PNPLA7: variants seen among roughly 807,000 people sequenced by gnomAD.
PNPLA7 encodes the protein patatin-like phospholipase domain-containing protein 7.
PNPLA7 carries 153 observed loss-of-function variants against 161.7 expected under a neutral mutation model. The ratio of observed to expected loss-of-function variants is 0.95; its 90% CI spans 0.83 to 1.08. The LOEUF is 1.08. Ranked by LOEUF, PNPLA7 falls within the 50% of genes least tolerant of loss-of-function variation. PNPLA7 has a pLI of 0.00. For missense variants in PNPLA7, 1,739 were observed against 1,856.6 expected (o/e 0.94, Z 1.16); for synonymous variants, 809 against 782.1 (o/e 1.03, Z -0.57).
At chr9:137,472,673 T>C (rs1361881259) in intron 25 of PNPLA7, among the ~76,000 whole-genome samples, 1 of 137,464 alleles carries the variant, frequency 7.3e-6, no homozygotes, top group Non-Finnish European at 1.6e-5. Context: ...AAAAAAGATT[T>C]AGGCCAGGCA....
intron 18 of PNPLA7, among the ~76,000 whole-genome samples, chr9:137,496,030 C>T (rs143947570): frequency 3.3e-5 from 5 of 152,242 alleles, no homozygotes; most frequent in Non-Finnish European, 5.9e-5. Flanking sequence ...CGGAGCAACA[C>T]GGCACCTCCG....
At position 137,540,322 on chromosome 9, in the gene PNPLA7, A is replaced by G. The variant is rs1216653204; in HGVS notation, c.747+320T>C. On this transcript the variant is annotated intron_variant, in intron 8 of 34. Transcript: ENST00000406427. This position sits in a 1 kb window ranked among gnomAD's most constrained non-coding sequence, Gnocchi z 5.1. Reference sequence around the variant, plus strand: ...CCTCGGGAGGGCCTTGGGCCTGAGGAGAGGAGAAAACGCCTTCCCTCTACA... The same window carrying G: ...CCTCGGGAGGGCCTTGGGCCTGAGGGGAGGAGAAAACGCCTTCCCTCTACA... Among the ~76,000 whole-genome samples, 1 of 152,216 alleles carries G rather than the reference A, an allele frequency of 6.6e-6. No individual in the cohort carries two copies. Among genetic ancestry groups the G allele is most frequent in the Admixed American group, 6.5e-5 (1 of 15,288 alleles).
intron 11 of PNPLA7, among the ~76,000 whole-genome samples, chr9:137,519,495 G>C (rs558812531): frequency 6.6e-6 from 1 of 152,234 alleles, no homozygotes; most frequent in Non-Finnish European, 1.5e-5. Context: ...GTGAGGAGAC[G>C]GGCACACGTA....
At position 137,550,215 on chromosome 9, in the gene PNPLA7, A is replaced by C. The variant is rs991092268; in HGVS notation, c.-18T>G. ...TCCTCCATGGCCAGAAACAGAAAAAACAGTCAGGGGCGAAAAGCAGACAGC... is the reference window on the plus strand; with the variant it reads ...TCCTCCATGGCCAGAAACAGAAAAACCAGTCAGGGGCGAAAAGCAGACAGC... On this transcript the variant is annotated 5_prime_UTR_variant, in exon 1 of 35. Transcript: ENST00000406427. The C allele has an allele frequency of 6.2e-7, 1 of 1,612,956 alleles. No individual in the cohort carries two copies. The highest frequency in any genetic ancestry group is 1.3e-5 in the African/African-American group (1 of 74,920).
At chr9:137,521,382 C>T (rs897199945) in intron 10 of PNPLA7, among the ~76,000 whole-genome samples, 2 of 152,208 alleles carry the variant, frequency 1.3e-5, no homozygotes, top group Non-Finnish European at 2.9e-5. Flanking sequence ...CCAAGTCCAA[C>T]GGATCAGAGA....
At chr9:137,546,199 C>T (rs1836516269) in intron 4 of PNPLA7, among the ~76,000 whole-genome samples, 1 of 151,658 alleles carries the variant, frequency 6.6e-6, no homozygotes, top group Non-Finnish European at 1.5e-5. Context: ...CTCTCTCTCT[C>T]CTCTCTCTCT....
chr9:137,461,813 G>T (rs1051571444), intron 32 of PNPLA7, 118 bp downstream of exon 32: 6 of 1,263,430 alleles, frequency 4.7e-6, no homozygotes, highest in East Asian at 2.6e-5. Context: ...CTTTGGCCAG[G>T]GGGGCAGGGC....
At chr9:137,510,341 A>G (rs572602759) in intron 12 of PNPLA7, among the ~76,000 whole-genome samples, 53 of 152,128 alleles carry the variant, frequency 3.5e-4, no homozygotes, top group Admixed American at 7.2e-4. Flanking sequence ...CTCCTAGTCC[A>G]CCTTCATGTT....
At position 137,484,435 on chromosome 9, in the gene PNPLA7, G is replaced by A. The variant is rs1461697179; in HGVS notation, c.2347+152C>T. On this transcript the variant is annotated intron_variant, in intron 21 of 34. Transcript: ENST00000406427. ...CCTTGAATCCCCAAATTTAACAGCT[G>A]CCAGCAATTTGGAAACACTACCGAA... 2.7e-5 allele frequency: 20 copies of A among 744,404 alleles called. 1 individual carries two copies. In the East Asian group the frequency reaches 6.1e-4, roughly 23 times the overall value. The allele number at this position is 744,404 out of a possible 1,614,324, so 46.1% of individuals were successfully genotyped here. A position where few individuals can be genotyped will look rare whatever the true frequency, so the allele number is the denominator to read the frequency against.
At chr9:137,492,003 G>A in intron 20 of PNPLA7, 1 of 985,444 alleles carries the variant, frequency 1.0e-6, no homozygotes, top group Non-Finnish European at 1.2e-6. Flanking sequence ...AGAGCAGCAG[G>A]CACAGAGGCA....
At chr9:137,534,239 C>T (rs1835764278) in intron 8 of PNPLA7, among the ~76,000 whole-genome samples, 1 of 150,148 alleles carries the variant, frequency 6.7e-6, no homozygotes, top group Admixed American at 6.6e-5. Flanking sequence ...CCAACACTGT[C>T]CACTCCAGGC....
Position 137,484,755 on chromosome 9 carries a change from A to G in PNPLA7, c.2198-19T>C. ...TGGTGGCCTGTGGAGCAAAGGACCC[A>G]CGTCAGCTGGGACAGCCCACACGCT... On this transcript the variant is annotated intron_variant, in intron 20 of 34. Coordinates refer to ENST00000406427, the MANE Select transcript of PNPLA7 (RefSeq NM_001098537.3). The G allele has an allele frequency of 6.3e-7, 1 of 1,591,470 alleles. No individual in the cohort carries two copies. The highest frequency in any genetic ancestry group is 8.6e-7 in the Non-Finnish European group (1 of 1,167,254).
At chr9:137,510,504 CT>C (rs1266333397) in intron 12 of PNPLA7, among the ~76,000 whole-genome samples, 2 of 152,212 alleles carry the variant, frequency 1.3e-5, no homozygotes, top group Admixed American at 1.3e-4. Flanking sequence ...GAAGGGCCCC[CT>C]GTCCAGTGGA....
intron 12 of PNPLA7, among the ~76,000 whole-genome samples, chr9:137,507,140 C>T (rs765699122): frequency 6.6e-6 from 1 of 152,350 alleles, no homozygotes; most frequent in South Asian, 2.1e-4. Context: ...TCGGGTTTCA[C>T]GGAGCTGGCA....
intron 8 of PNPLA7, among the ~76,000 whole-genome samples, chr9:137,530,712 T>C (rs1046666452): frequency 1.1e-4 from 16 of 152,208 alleles, no homozygotes; most frequent in Non-Finnish European, 2.4e-4. Flanking sequence ...TAGTTAAAAA[T>C]AAAATCTTAA....
In PNPLA7 at chr9:137,500,437, T is replaced by C. The variant is rs1006522670; in HGVS notation, c.1757+254A>G. Among the ~76,000 whole-genome samples the C allele has an allele frequency of 4.6e-5, 7 of 152,048 alleles. No homozygotes were observed. In the East Asian group the frequency reaches 1.4e-3, roughly 29 times the overall value. On this transcript the variant is annotated intron_variant, in intron 16 of 34. Transcript: ENST00000406427. This position sits in a 1 kb window ranked among gnomAD's most constrained non-coding sequence, Gnocchi z 5.5. ...CTGAGACCAGACCACAGACCAGTGA[T>C]AAATGGACACAGCTGGGACCAGACC...
chr9:137,542,853 C>A (rs1349567018), intron 6 of PNPLA7, 52 bp from the exon 7 acceptor site: 1 of 1,573,912 alleles, frequency 6.4e-7, no homozygotes, highest in Admixed American at 1.7e-5. Flanking sequence ...AGGAGGACGG[C>A]CTCTCCAAGA....
intron 23 of PNPLA7, 84 bp from the exon 24 acceptor site, chr9:137,479,322 C>A: frequency 7.2e-7 from 1 of 1,395,056 alleles, no homozygotes; most frequent in South Asian, 1.7e-5. Context: ...CACAGAGGGT[C>A]TGAGGGCAGG....
intron 7 of PNPLA7, among the ~76,000 whole-genome samples, chr9:137,542,249 G>A (rs989158392): frequency 6.6e-6 from 1 of 152,102 alleles, no homozygotes; most frequent in Non-Finnish European, 1.5e-5. Flanking sequence ...TGGGAGAATC[G>A]CCTGAGCACA....
Sources: gnomAD v4.1 joint callset for allele counts (sites outside exome capture counted in the v4.1 genomes callset) on GRCh38, gnomAD v4.1.1 for gene constraint, Gnocchi (gnomAD v3.1) non-coding constraint, MANE v1.5 for transcripts, NCBI Gene and HGNC (gene_info 2026-07-23, HGNC 2026-07-21) for gene names.